Variants in TAF4 observed in about 807,000 individuals in gnomAD.
TAF4 encodes transcription initiation factor TFIID subunit 4.
In TAF4, 9 loss-of-function variants were observed where a neutral mutation model predicts 90.3. The ratio of observed to expected loss-of-function variants is 0.10; its 90% confidence interval spans 0.06 to 0.17. The LOEUF (loss-of-function observed/expected upper bound fraction) is 0.17, where lower values mean the gene tolerates loss of function less well. TAF4 is among the 10% of genes least tolerant of loss of function. TAF4 has a pLI of 1.00. For missense variants in TAF4, 1,351 were observed against 1,370.7 expected, an observed-to-expected ratio of 0.99 and a Z score of 0.23; for synonymous variants, 818 against 638.9, an observed-to-expected ratio of 1.28 and a Z score of -4.23.
chr20:62,060,046 C>T (rs2056080949), intron 1 of TAF4, among the ~76,000 whole-genome samples: 2 of 152,266 alleles, frequency 1.3e-5, no homozygotes, highest in South Asian at 2.1e-4. Flanking sequence ...GTCTGTTCTG[C>T]TGAGCCCGGT....
rs546878077 is a variant in TAF4, at chr20:61,989,709, G to A, written c.3090+7841C>T. On this transcript the variant is annotated intron_variant, in intron 14 of 14. Coordinates refer to ENST00000252996, the MANE Select transcript of TAF4 (RefSeq NM_003185.4). ...ACCCACAGCACTGCAGTGAGTGAGTGAATGAGGGATCCCGGCACCCACAGC... is the reference window on the plus strand; with the variant it reads ...ACCCACAGCACTGCAGTGAGTGAGTAAATGAGGGATCCCGGCACCCACAGC... Among the ~76,000 whole-genome samples, 11 of 145,342 alleles carry A rather than the reference G, an allele frequency of 7.6e-5. No homozygotes were observed. The East Asian group carries it at 2.3e-3, about 31-fold the overall frequency.
At chr20:61,982,166 C>T (rs2055548832) in intron 14 of TAF4, among the ~76,000 whole-genome samples, 2 of 111,756 alleles carry the variant, frequency 1.8e-5, no homozygotes, top group African/African-American at 6.9e-5. Context: ...AAACTCACAC[C>T]CCACCCGAGA....
At chr20:62,001,386 G>A (rs546388852) in intron 9 of TAF4, among the ~76,000 whole-genome samples, 161 of 152,364 alleles carry the variant, frequency 1.1e-3, no homozygotes, top group Admixed American at 2.5e-3. Flanking sequence ...TGACTCCTGG[G>A]CTGCCCCTGA....
chr20:61,995,614 A>G (rs1568925614), intron 14 of TAF4, among the ~76,000 whole-genome samples: 1 of 15,720 alleles, frequency 6.4e-5, no homozygotes, highest in Admixed American at 4.9e-4. Flanking sequence ...CTGTAATCCC[A>G]GCACTTTGGG....
At chr20:62,045,788 T>C (rs1045891651) in intron 1 of TAF4, among the ~76,000 whole-genome samples, 8 of 152,136 alleles carry the variant, frequency 5.3e-5, no homozygotes, top group African/African-American at 7.2e-5. Context: ...TCTCGTCTAA[T>C]CCAGAGCAGA....
chr20:62,027,173 T>G (rs1486043433), intron 1 of TAF4, among the ~76,000 whole-genome samples: 1 of 152,194 alleles, frequency 6.6e-6, no homozygotes, highest in Non-Finnish European at 1.5e-5. Context: ...GATGGCCAGA[T>G]GTGGCTCTCA....
chr20:61,991,401 G>A (rs1215163366), intron 14 of TAF4, among the ~76,000 whole-genome samples: 5 of 151,888 alleles, frequency 3.3e-5, no homozygotes, highest in Admixed American at 2.0e-4. Context: ...TCCAGCCTGG[G>A]TGACAGAGGG....
chr20:62,043,862 T>A (rs1016140610), intron 1 of TAF4, among the ~76,000 whole-genome samples: 4 of 152,276 alleles, frequency 2.6e-5, no homozygotes, highest in African/African-American at 9.6e-5. Flanking sequence ...TGTATCCCCA[T>A]CACTAAGTGG....
chr20:62,036,023 C>T (rs949933678), intron 1 of TAF4, among the ~76,000 whole-genome samples: 4 of 134,166 alleles, frequency 3.0e-5, no homozygotes, highest in East Asian at 2.1e-4. Flanking sequence ...AATCAAATTT[C>T]TTTTTTTTTT....
intron 3 of TAF4, among the ~76,000 whole-genome samples, chr20:62,011,837 T>C (rs961047391): frequency 1.3e-5 from 2 of 152,104 alleles, no homozygotes; most frequent in African/African-American, 4.8e-5. Context: ...ACCAACACCA[T>C]AGAGACCTAC....
At chr20:61,987,225 GA>G (rs2055598388) in intron 14 of TAF4, among the ~76,000 whole-genome samples, 1 of 152,068 alleles carries the variant, frequency 6.6e-6, no homozygotes, top group Admixed American at 6.5e-5. Flanking sequence ...GCAAACTAAG[GA>G]AACGTCCACC....
chr20:62,057,141 C>T (rs568389132), intron 1 of TAF4, among the ~76,000 whole-genome samples: 4 of 152,318 alleles, frequency 2.6e-5, no homozygotes, highest in East Asian at 3.9e-4. Flanking sequence ...CTGTGTCCCC[C>T]GACCCCATGG....
intron 1 of TAF4, among the ~76,000 whole-genome samples, chr20:62,060,592 A>G (rs935764176): frequency 1.3e-5 from 2 of 152,248 alleles, no homozygotes; most frequent in Non-Finnish European, 2.9e-5. Context: ...CCCTTGCCCT[A>G]TGCTAGGCAG....
chr20:62,034,272 T>A (rs1445894452), intron 1 of TAF4, among the ~76,000 whole-genome samples: 2 of 152,190 alleles, frequency 1.3e-5, no homozygotes, highest in Non-Finnish European at 2.9e-5. Context: ...AAGATCAATA[T>A]CCAAAATTCA....
intron 14 of TAF4, among the ~76,000 whole-genome samples, chr20:61,984,283 TG>T (rs890465492): frequency 6.6e-6 from 1 of 151,838 alleles, no homozygotes; most frequent in Non-Finnish European, 1.5e-5. Flanking sequence ...GTGGGACACG[TG>T]TGAGGCTGGG....
chr20:62,022,526 C>T (rs1450016663), intron 1 of TAF4, among the ~76,000 whole-genome samples: 2 of 152,234 alleles, frequency 1.3e-5, no homozygotes, highest in Non-Finnish European at 2.9e-5. Context: ...CCTCTCCATG[C>T]TACCAGCTGG....
intron 1 of TAF4, among the ~76,000 whole-genome samples, chr20:62,016,860 G>A (rs910053142): frequency 6.6e-6 from 1 of 152,190 alleles, no homozygotes; most frequent in Non-Finnish European, 1.5e-5. Flanking sequence ...AGAAGCCAGG[G>A]TGAGTGTGGT....
intron 1 of TAF4, among the ~76,000 whole-genome samples, chr20:62,062,265 C>T (rs3920584): frequency 0.99 from 151,388 of 152,382 alleles, 75,206 homozygotes; most frequent in East Asian, 1. Flanking sequence ...CCAACTAGAA[C>T]AATTTAATAT....
chr20:62,043,257 T>A (rs1391992283), intron 1 of TAF4, among the ~76,000 whole-genome samples: 1 of 152,146 alleles, frequency 6.6e-6, no homozygotes, highest in African/African-American at 2.4e-5. Context: ...AGGTCAAGGC[T>A]GCAGTAAGCC....
Sources: gnomAD v4.1 joint callset for allele counts (sites outside exome capture counted in the v4.1 genomes callset) on GRCh38, gnomAD v4.1.1 for gene constraint, MANE v1.5 for transcripts, NCBI Gene and HGNC (gene_info 2026-07-23, HGNC 2026-07-21) for gene names.